Variants in PAK2 observed in about 807,000 individuals in gnomAD.
The protein encoded by PAK2 is p21 (RAC1) activated kinase 2.
A neutral mutation model predicts 65.9 loss-of-function variants in PAK2; 21 were observed. That is an observed-to-expected ratio of 0.32 (90% CI 0.23 to 0.46). The LOEUF is 0.46. Ranked by LOEUF, PAK2 falls within the 20% of genes least tolerant of loss-of-function variation. The pLI, the probability that PAK2 is intolerant of heterozygous loss-of-function variation, is 1.00. For synonymous variants in PAK2, 204 were observed against 219.7 expected (o/e 0.93, Z 0.63); for missense variants, 324 against 642.6 (o/e 0.50, Z 5.36).
intron 1 of PAK2, among the ~76,000 whole-genome samples, chr3:196,746,332 A>G (rs1464338377): frequency 6.6e-6 from 1 of 152,170 alleles, no homozygotes; most frequent in Non-Finnish European, 1.5e-5. Flanking sequence ...ATGAGATGCT[A>G]TTGTAACATT....
intron 2 of PAK2, among the ~76,000 whole-genome samples, chr3:196,790,075 C>A (rs1001022193): frequency 2.0e-5 from 3 of 152,204 alleles, no homozygotes; most frequent in Non-Finnish European, 2.9e-5. Flanking sequence ...CTAGAGAATT[C>A]TCTGCTGTGT....
chr3:196,803,179 TA>T lies in PAK2; in HGVS notation c.436+17del. Reference sequence around the variant, plus strand: ...TACTCCTCCTGGTAAGAGAGTGGCATAAGGCTGGATCAGATGGAGATTTGTG... The same window carrying T: ...TACTCCTCCTGGTAAGAGAGTGGCATAGGCTGGATCAGATGGAGATTTGTG... On this transcript the variant is annotated intron_variant, in intron 4 of 14. Coordinates refer to ENST00000327134, the MANE Select transcript of PAK2 (RefSeq NM_002577.4). 1 of 1,585,090 alleles carries T rather than the reference TA, an allele frequency of 6.3e-7. No individual in the cohort carries two copies. Among genetic ancestry groups the T allele is most frequent in the Non-Finnish European group, 8.6e-7 (1 of 1,167,714 alleles).
Position 196,764,952 on chromosome 3 carries a change from C to T in PAK2, c.-21-17674C>T, listed in dbSNP as rs189575031. Among the ~76,000 whole-genome samples, 531 of 150,264 alleles carry T rather than the reference C, an allele frequency of 3.5e-3. 3 individuals carry two copies. The highest frequency in any genetic ancestry group is 0.016 in the Admixed American group (241 of 15,002). On this transcript the variant is annotated intron_variant, in intron 1 of 14. Transcript: ENST00000327134. ...CCGCCTCCCGGGTTCACGCCATTCTCCTGCCTCAGCCTCCTGAGTAGCTGG... is the reference window on the plus strand; with the variant it reads ...CCGCCTCCCGGGTTCACGCCATTCTTCTGCCTCAGCCTCCTGAGTAGCTGG...
rs1257559172 is a variant in PAK2, at chr3:196,795,536, TGAAA to T, written c.188-6388_188-6385del. On this transcript the variant is annotated intron_variant, in intron 2 of 14. Coordinates refer to ENST00000327134, the MANE Select transcript of PAK2 (RefSeq NM_002577.4). ...ATTTTAAAAGCTACCAGAAAAAAAA[TGAAA>T]GACTCATTATATATATAGGACGAAG... 4.0e-5 allele frequency among the ~76,000 whole-genome samples: 6 copies of T among 151,598 alleles called. No homozygotes were observed. In the East Asian group the frequency reaches 5.8e-4, roughly 15 times the overall value.
intron 1 of PAK2, among the ~76,000 whole-genome samples, chr3:196,782,092 C>T (rs1166769322): frequency 1.3e-5 from 2 of 151,930 alleles, no homozygotes; most frequent in African/African-American, 2.4e-5. Flanking sequence ...GGTGACAGAG[C>T]GAGACTCCAT....
chr3:196,826,966 C>T (rs1320010776), intron 13 of PAK2, among the ~76,000 whole-genome samples: 2 of 151,858 alleles, frequency 1.3e-5, no homozygotes, highest in Non-Finnish European at 2.9e-5. Flanking sequence ...CATTTATAAC[C>T]GAAGAAAAAC....
chr3:196,755,861 T>C (rs1378516283), intron 1 of PAK2, among the ~76,000 whole-genome samples: 1 of 151,706 alleles, frequency 6.6e-6, no homozygotes, highest in Non-Finnish European at 1.5e-5. Context: ...GTTCAGGCGA[T>C]TCTGCTGCCT....
At chr3:196,824,964 C>T (rs191775661) in intron 13 of PAK2, among the ~76,000 whole-genome samples, 1 of 152,224 alleles carries the variant, frequency 6.6e-6, no homozygotes, top group East Asian at 1.9e-4. Flanking sequence ...AATAAAACTC[C>T]ACATTGGGGA....
intron 1 of PAK2, among the ~76,000 whole-genome samples, chr3:196,757,367 G>C (rs1713803174): frequency 6.6e-6 from 1 of 152,160 alleles, no homozygotes; most frequent in African/African-American, 2.4e-5. Flanking sequence ...TCTTTGAAGA[G>C]AAATCTAGAA....
At chr3:196,753,352 C>T (rs1041077284) in intron 1 of PAK2, among the ~76,000 whole-genome samples, 1 of 152,008 alleles carries the variant, frequency 6.6e-6, no homozygotes, top group Non-Finnish European at 1.5e-5. Context: ...TCAGGCAGTC[C>T]TCCCATCTCA....
At chr3:196,815,499 A>G (rs559216566) in intron 11 of PAK2, among the ~76,000 whole-genome samples, 7 of 151,354 alleles carry the variant, frequency 4.6e-5, no homozygotes, top group African/African-American at 1.2e-4. Flanking sequence ...CAAAAAAAAA[A>G]AAAAAGAGGC....
chr3:196,753,777 G>A (rs1484343410), intron 1 of PAK2, among the ~76,000 whole-genome samples: 1 of 152,068 alleles, frequency 6.6e-6, no homozygotes, highest in African/African-American at 2.4e-5. Flanking sequence ...ATGGTGGTAG[G>A]AATTTTCCTT....
chr3:196,768,381 T>A (rs1446931151), intron 1 of PAK2, among the ~76,000 whole-genome samples: 2 of 152,082 alleles, frequency 1.3e-5, no homozygotes, highest in East Asian at 1.9e-4. Flanking sequence ...AATTTCTGAT[T>A]TATCTTGATT....
At chr3:196,814,046 G>A (rs1340348940) in intron 10 of PAK2, among the ~76,000 whole-genome samples, 1 of 152,090 alleles carries the variant, frequency 6.6e-6, no homozygotes, top group African/African-American at 2.4e-5. Context: ...ATAAGCCAGG[G>A]GCTTCGGAAT....
chr3:196,818,586 C>T (rs1009845255), intron 12 of PAK2, among the ~76,000 whole-genome samples: 11 of 152,136 alleles, frequency 7.2e-5, no homozygotes, highest in Non-Finnish European at 1.2e-4. Flanking sequence ...AGGCTGGTCT[C>T]TAGCTACTGA....
At chr3:196,787,536 G>A (rs534578004) in intron 2 of PAK2, among the ~76,000 whole-genome samples, 8 of 149,154 alleles carry the variant, frequency 5.4e-5, no homozygotes, top group African/African-American at 1.7e-4. Flanking sequence ...CCTTGATTGC[G>A]CCACTGCACT....
At chr3:196,764,626 A>T (rs1187328122) in intron 1 of PAK2, among the ~76,000 whole-genome samples, 20 of 150,064 alleles carry the variant, frequency 1.3e-4, no homozygotes, top group South Asian at 2.1e-4. Flanking sequence ...CTCAAAAAAA[A>T]ATAAATAAAT....
chr3:196,766,188 C>A (rs1487494321), intron 1 of PAK2, among the ~76,000 whole-genome samples: 1 of 152,090 alleles, frequency 6.6e-6, no homozygotes. Flanking sequence ...AGCCACCATG[C>A]CTGGCCTCTT....
rs1164377273 is a variant in PAK2 at position 196,820,989 on chromosome 3, G to A, written c.1350+422G>A. ...TGAGTAGCTGGGACTATGGGTGCGT[G>A]CCACCACACCCAGCTGATTTTTGTA... is the stretch of plus-strand genomic sequence containing the variant. On this transcript the variant is annotated intron_variant, in intron 13 of 14. Coordinates refer to ENST00000327134, the MANE Select transcript of PAK2 (RefSeq NM_002577.4). This position sits in a 1 kb window ranked among gnomAD's most constrained non-coding sequence, Gnocchi z 4.6. Among the ~76,000 whole-genome samples the A allele has an allele frequency of 6.6e-6, 1 of 152,024 alleles. No individual in the cohort carries two copies. The highest frequency in any genetic ancestry group is 1.9e-4 in the East Asian group (1 of 5,188).
Sources: gnomAD v4.1 joint callset for allele counts (sites outside exome capture counted in the v4.1 genomes callset) on GRCh38, gnomAD v4.1.1 for gene constraint, Gnocchi (gnomAD v3.1) non-coding constraint, MANE v1.5 for transcripts, NCBI Gene and HGNC (gene_info 2026-07-23, HGNC 2026-07-21) for gene names.